APBA1: variants seen among roughly 807,000 people sequenced by gnomAD.
The protein encoded by APBA1 is amyloid-beta A4 precursor protein-binding family A member 1.
A neutral mutation model predicts 86.6 loss-of-function variants in APBA1; 55 were observed. The observed-to-expected ratio is 0.64, with a 90% CI of 0.51 to 0.80. APBA1 has a LOEUF of 0.80. APBA1 is among the 30% of genes least tolerant of loss of function. The pLI is 0.00. For synonymous variants in APBA1, 511 were observed against 493.9 expected (o/e 1.03, Z -0.46); for missense variants, 1,090 against 1,183.0 (o/e 0.92, Z 1.15).
chr9:69,511,936 G>C (rs1431819780), intron 2 of APBA1, among the ~76,000 whole-genome samples: 1 of 151,348 alleles, frequency 6.6e-6, no homozygotes, highest in African/African-American at 2.4e-5. Flanking sequence ...GGTGGGGGTA[G>C]GGGGGAGGGA....
chr9:69,638,909 A>T (rs1216930004), intron 1 of APBA1, among the ~76,000 whole-genome samples: 2 of 152,206 alleles, frequency 1.3e-5, no homozygotes, highest in African/African-American at 2.4e-5. Flanking sequence ...ACTAAAAATT[A>T]AAAAATATAA....
chr9:69,523,288 T>C (rs1181673221), intron 1 of APBA1, among the ~76,000 whole-genome samples: 6 of 151,422 alleles, frequency 4.0e-5, no homozygotes, highest in Non-Finnish European at 8.8e-5. Flanking sequence ...TATTCAGAAG[T>C]AGTGTTAGAA....
chr9:69,510,611 C>G (rs1433557877), intron 2 of APBA1, among the ~76,000 whole-genome samples: 9 of 140,848 alleles, frequency 6.4e-5, no homozygotes, highest in Non-Finnish European at 1.1e-4. Context: ...CCCGCATCGC[C>G]AAGGCAATCC....
chr9:69,627,778 A>G (rs766981669), intron 1 of APBA1, among the ~76,000 whole-genome samples: 7 of 152,166 alleles, frequency 4.6e-5, no homozygotes, highest in Non-Finnish European at 1.0e-4. Context: ...TGAGAATGAA[A>G]CACAAATTGG....
intron 1 of APBA1, among the ~76,000 whole-genome samples, chr9:69,564,432 C>T (rs900540035): frequency 6.6e-6 from 1 of 152,186 alleles, no homozygotes. Flanking sequence ...TTCACAGGTG[C>T]ATTTCAATAA....
chr9:69,617,503 A>C (rs575013963), intron 1 of APBA1, among the ~76,000 whole-genome samples: 1 of 152,088 alleles, frequency 6.6e-6, no homozygotes, highest in Non-Finnish European at 1.5e-5. Flanking sequence ...ACCAACACCA[A>C]CAAATATTTA....
chr9:69,452,612 C>T (rs1396661159), intron 8 of APBA1, among the ~76,000 whole-genome samples: 4 of 152,180 alleles, frequency 2.6e-5, no homozygotes, highest in Non-Finnish European at 5.9e-5. Context: ...CATTCTATAC[C>T]CTGCACCATC....
At chr9:69,547,608 CTT>C (rs1302681409) in intron 1 of APBA1, among the ~76,000 whole-genome samples, 1 of 152,228 alleles carries the variant, frequency 6.6e-6, no homozygotes, top group Non-Finnish European at 1.5e-5. Context: ...ATAGGTCTCT[CTT>C]ACACTAGCCA....
chr9:69,527,374 C>A, intron 1 of APBA1, among the ~76,000 whole-genome samples: 1 of 151,998 alleles, frequency 6.6e-6, no homozygotes, highest in East Asian at 1.9e-4. Flanking sequence ...TGAAATGAAG[C>A]TGGGTATAGA....
intron 1 of APBA1, among the ~76,000 whole-genome samples, chr9:69,622,671 AC>A (rs1386754321): frequency 6.6e-6 from 1 of 152,132 alleles, no homozygotes; most frequent in Non-Finnish European, 1.5e-5. Flanking sequence ...CCTTATTTGA[AC>A]CTACAGAGTC....
Position 69,654,327 on chromosome 9 carries a change from C to T in APBA1, c.-70+17826G>A, listed in dbSNP as rs200569369. On this transcript the variant is annotated intron_variant, in intron 1 of 12. Transcript: ENST00000265381. ...AGAAAAAGAGAGAGAAGATCAGGTGCGGTGGCTCATTCCTGTAATCCCGAC... is the reference window on the plus strand; with the variant it reads ...AGAAAAAGAGAGAGAAGATCAGGTGTGGTGGCTCATTCCTGTAATCCCGAC... Among the ~76,000 whole-genome samples, 8 of 151,738 alleles carry T rather than the reference C, an allele frequency of 5.3e-5. No individual in the cohort carries two copies. The East Asian group carries it at 1.2e-3, about 22-fold the overall frequency.
chr9:69,668,490 A>G (rs56401736), intron 1 of APBA1, among the ~76,000 whole-genome samples: 13,901 of 152,040 alleles, frequency 0.091, 856 homozygotes, highest in African/African-American at 0.17. Context: ...AATAGAGTCT[A>G]TCTGGTCTCC....
intron 2 of APBA1, among the ~76,000 whole-genome samples, chr9:69,488,203 G>A (rs1423932935): frequency 1.3e-5 from 2 of 152,056 alleles, no homozygotes; most frequent in Non-Finnish European, 1.5e-5. Flanking sequence ...TAAGAAAACT[G>A]AGTCAGTCCT....
Position 69,502,059 on chromosome 9 carries a change from CA to C in APBA1, c.1200+13951del, listed in dbSNP as rs977414309. Among the ~76,000 whole-genome samples, 5 of 152,032 alleles carry C rather than the reference CA, an allele frequency of 3.3e-5. 1 individual carries two copies. Among genetic ancestry groups the C allele is most frequent in the Admixed American group, 2.6e-4 (4 of 15,274 alleles). ...TTCACATATATACTGTCTGGTGAGA[CA>C]ATCCATCAAAAAGTTGAGAAAGATT... On this transcript the variant is annotated intron_variant, in intron 2 of 12. Transcript: ENST00000265381.
At chr9:69,551,431 T>G (rs1836783030) in intron 1 of APBA1, among the ~76,000 whole-genome samples, 1 of 151,838 alleles carries the variant, frequency 6.6e-6, no homozygotes, top group South Asian at 2.1e-4. Flanking sequence ...CACACGCCTG[T>G]AATCCCAGCT....
intron 1 of APBA1, among the ~76,000 whole-genome samples, chr9:69,573,731 G>A (rs895507841): frequency 3.3e-5 from 5 of 152,182 alleles, no homozygotes; most frequent in Non-Finnish European, 5.9e-5. Context: ...AAGCTGCAGC[G>A]CCTGGGTCCC....
At chr9:69,455,414 G>A (rs1588294113) in intron 8 of APBA1, among the ~76,000 whole-genome samples, 1 of 152,096 alleles carries the variant, frequency 6.6e-6, no homozygotes, top group East Asian at 1.9e-4. Context: ...GGAGCACCTG[G>A]GAGCAGCTTA....
chr9:69,571,110 A>G (rs1173977189), intron 1 of APBA1, among the ~76,000 whole-genome samples: 1 of 152,196 alleles, frequency 6.6e-6, no homozygotes, highest in African/African-American at 2.4e-5. Context: ...GCAGAAACAC[A>G]ACTTTTATTA....
intron 1 of APBA1, among the ~76,000 whole-genome samples, chr9:69,667,083 AC>A (rs894575902): frequency 5.3e-5 from 8 of 152,206 alleles, no homozygotes; most frequent in Non-Finnish European, 7.3e-5. Context: ...CTTTAAAAAA[AC>A]ACTTACATTT....
Sources: gnomAD v4.1 joint callset for allele counts (sites outside exome capture counted in the v4.1 genomes callset) on GRCh38, gnomAD v4.1.1 for gene constraint, MANE v1.5 for transcripts, NCBI Gene and HGNC (gene_info 2026-07-23, HGNC 2026-07-21) for gene names.